Variants in ANGPTL7 observed in about 807,000 individuals in gnomAD.
ANGPTL7 encodes angiopoietin-related protein 7.
In ANGPTL7, 37 loss-of-function variants were observed where a neutral mutation model predicts 38.8. The observed-to-expected ratio is 0.95, with a 90% CI of 0.73 to 1.25. The LOEUF (loss-of-function observed/expected upper bound fraction) is 1.25, where lower values mean the gene tolerates loss of function less well. Among genes scored for constraint, ANGPTL7 ranks in the 50% most tolerant of loss-of-function variants. ANGPTL7 has a pLI of 0.00. For synonymous variants in ANGPTL7, 166 were observed against 163.2 expected (o/e 1.02, Z -0.13); for missense variants, 427 against 438.6 (o/e 0.97, Z 0.24).
intron 2 of ANGPTL7, among the ~76,000 whole-genome samples, chr1:11,192,775 CTCAAACACAA>C (rs1645595798): frequency 6.8e-6 from 1 of 146,528 alleles, no homozygotes; most frequent in Admixed American, 6.8e-5. Context: ...AAAAGGAAAA[CTCAAACACAA>C]GCAAACACAC....
At position 11,193,664 on chromosome 1, in the gene ANGPTL7, T is replaced by G. The variant is rs755991132; in HGVS notation, c.562T>G (p.Trp188Gly). The part of the protein sequence containing the change: ...KSGLVSFYRD[W>G]KQYKQGFGSI... Reference sequence around the variant, plus strand: ...TGGCCTTGTCTCCTTCTACCGGGACTGGAAGCAGTACAAGCAGGGCTTTGG... The same window carrying G: ...TGGCCTTGTCTCCTTCTACCGGGACGGGAAGCAGTACAAGCAGGGCTTTGG... The change falls in exon 3 of 5, where the codon TGG becomes GGG. Residue 188 changes from tryptophan to glycine, a missense_variant. Physicochemically the swap from Trp to Gly is radical, Grantham distance 184. Transcript: ENST00000376819. 4.3e-6 allele frequency: 7 copies of G among 1,614,118 alleles called. No individual in the cohort carries two copies. The highest frequency in any genetic ancestry group is 5.9e-6 in the Non-Finnish European group (7 of 1,179,996).
At chr1:11,191,360 G>A (rs548875173) in intron 1 of ANGPTL7, among the ~76,000 whole-genome samples, 189 of 152,250 alleles carry the variant, frequency 1.2e-3, no homozygotes, top group African/African-American at 1.2e-3. Flanking sequence ...GAAGGCACAC[G>A]TACTCTACCT....
At chr1:11,190,650 A>C (rs1411273950) in intron 1 of ANGPTL7, among the ~76,000 whole-genome samples, 2 of 152,240 alleles carry the variant, frequency 1.3e-5, no homozygotes, top group Non-Finnish European at 2.9e-5. Context: ...AGATAAATTT[A>C]ATCTTTCTTT....
chr1:11,192,153 T>C, intron 1 of ANGPTL7, 117 bp from the exon 2 acceptor site: 1 of 774,148 alleles, frequency 1.3e-6, no homozygotes, highest in Admixed American at 2.1e-5. Context: ...CAGACACTGA[T>C]GGGTAATTAA....
chr1:11,190,209 A>C (rs976118256), intron 1 of ANGPTL7, among the ~76,000 whole-genome samples: 1 of 152,234 alleles, frequency 6.6e-6, no homozygotes, highest in African/African-American at 2.4e-5. Flanking sequence ...TGGTTTGCCC[A>C]AAGTCACCCA....
chr1:11,189,379 T>C lies in ANGPTL7; in HGVS notation c.-201T>C. The C allele has an allele frequency of 1.6e-6, 1 of 642,362 alleles. No individual in the cohort carries two copies. Among genetic ancestry groups the C allele is most frequent in the South Asian group, 2.0e-5 (1 of 50,172 alleles). 39.8% of individuals were successfully genotyped at this position (642,362 alleles called of 1,614,324 possible). ...CGGGCTTGGAAGGAAAGCTATAGGCTACCCATTCAGCTCCCCTGTCAGAGA... is the reference window on the plus strand; with the variant it reads ...CGGGCTTGGAAGGAAAGCTATAGGCCACCCATTCAGCTCCCCTGTCAGAGA... On this transcript the variant is annotated 5_prime_UTR_variant, in exon 1 of 5. Transcript: ENST00000376819.
In ANGPTL7 at chr1:11,194,581, T is replaced by C. The variant is rs971950036; in HGVS notation, c.793T>C (p.Tyr265His). The change falls in exon 4 of 5, where the codon TAT (tyrosine) becomes CAT (histidine). Residue 265 changes from tyrosine (Y) to histidine (H), a missense_variant. By Grantham distance (83) the Tyr-to-His change is moderately conservative. Coordinates refer to ENST00000376819, the MANE Select transcript of ANGPTL7 (RefSeq NM_021146.4). ...CAATGTGGGGAACGACGCCCTCCAGTATCATAACAACACAGCCTTCAGCAC... is the reference window on the plus strand; with the variant it reads ...CAATGTGGGGAACGACGCCCTCCAGCATCATAACAACACAGCCTTCAGCAC... ...TGNVGNDALQ[Y>H]HNNTAFSTKD... 3.7e-6 allele frequency: 6 copies of C among 1,614,036 alleles called. No individual in the cohort carries two copies. Among genetic ancestry groups the C allele is most frequent in the Non-Finnish European group, 5.1e-6 (6 of 1,180,034 alleles).
At chr1:11,192,116 T>A (rs1645561856) in intron 1 of ANGPTL7, among the ~76,000 whole-genome samples, 154 bp from the exon 2 acceptor site, 1 of 152,068 alleles carries the variant, frequency 6.6e-6, no homozygotes, top group Admixed American at 6.6e-5. Flanking sequence ...CCCCTCTGGA[T>A]CTCCCCATAT....
chr1:11,191,082 A>C (rs970145253), intron 1 of ANGPTL7, among the ~76,000 whole-genome samples: 45 of 152,208 alleles, frequency 3.0e-4, no homozygotes, highest in African/African-American at 1.1e-3. Flanking sequence ...GACATGCGGA[A>C]GACCAGGCCA....
chr1:11,192,393 C>A (rs1350025063), intron 2 of ANGPTL7, 23 bp downstream of exon 2: 1 of 1,555,422 alleles, frequency 6.4e-7, no homozygotes. Flanking sequence ...CAGTCACTGG[C>A]CATGCCCTAA....
At position 11,189,741 on chromosome 1, in the gene ANGPTL7, C is replaced by T; in HGVS notation, c.162C>T (p.Ala54=). 6.2e-7 allele frequency: 1 copy of T among 1,614,140 alleles called. No homozygotes were observed. Residue 54 remains alanine (A), a synonymous_variant, in exon 1 of 5, where the codon GCC becomes GCT. Transcript: ENST00000376819. ...GTGAGGAGGTGAAGGAGCTCAAGGCCCAAGTTGCCAACCTTAGCAGCCTGC... is the reference window on the plus strand; with the variant it reads ...GTGAGGAGGTGAAGGAGCTCAAGGCTCAAGTTGCCAACCTTAGCAGCCTGC... ...NCCEEVKELK[A]QVANLSSLLS...
At chr1:11,189,978 G>A (rs1645465666) in intron 1 of ANGPTL7, 23 bp downstream of exon 1, 1 of 1,580,364 alleles carries the variant, frequency 6.3e-7, no homozygotes, top group Non-Finnish European at 8.6e-7. Flanking sequence ...GTCCCCTGAG[G>A]GAGCGTGGAG....
At chr1:11,190,904 G>A (rs28990994) in intron 1 of ANGPTL7, among the ~76,000 whole-genome samples, 284 of 152,262 alleles carry the variant, frequency 1.9e-3, no homozygotes, top group African/African-American at 6.3e-3. Context: ...CTCAAATTAA[G>A]AAAAAGTTTT....
Position 11,195,649 on chromosome 1 carries a change from C to T in ANGPTL7, c.*626C>T, listed in dbSNP as rs1329154775. The T allele has an allele frequency of 6.5e-6, 1 of 153,514 alleles. No individual in the cohort carries two copies. Among genetic ancestry groups the T allele is most frequent in the Non-Finnish European group, 1.5e-5 (1 of 68,744 alleles). The allele number at this position is 153,514 out of a possible 1,614,324, so 9.5% of individuals were successfully genotyped here. A position where few individuals can be genotyped will look rare whatever the true frequency, so the allele number is the denominator to read the frequency against. ...GGCGATCAGACTCTGAGCACTGCCC[C>T]TGCTCGCCTTGGTCATGTACAGCAC... On this transcript the variant is annotated 3_prime_UTR_variant, in exon 5 of 5. Coordinates refer to ENST00000376819, the MANE Select transcript of ANGPTL7 (RefSeq NM_021146.4).
chr1:11,193,726 C>T lies in ANGPTL7; in HGVS notation c.624C>T (p.His208=), dbSNP rs1645654069. ...GGGACTTCTGGCTGGGGAACGAACACATCCACCGGCTCTCCAGACAGCCAA... is the reference window on the plus strand; with the variant it reads ...GGGACTTCTGGCTGGGGAACGAACATATCCACCGGCTCTCCAGACAGCCAA... ...IRGDFWLGNE[H]IHRLSRQPTR... is the part of the protein sequence containing the mutation. The change falls in exon 3 of 5, where the codon CAC becomes CAT. Residue 208 remains histidine, a synonymous_variant. Transcript: ENST00000376819. 1.9e-6 allele frequency: 3 copies of T among 1,614,150 alleles called. No homozygotes were observed. The highest frequency in any genetic ancestry group is 2.7e-5 in the African/African-American group (2 of 75,044).
At chr1:11,192,748 TAAAAAA>T (rs56996673) in intron 2 of ANGPTL7, among the ~76,000 whole-genome samples, 2 of 119,254 alleles carry the variant, frequency 1.7e-5, no homozygotes, top group Non-Finnish European at 3.4e-5. Context: ...CCATTTCAAT[TAAAAAA>T]AAAAAAAAAA....
Position 11,192,294 on chromosome 1 carries a change from T to C in ANGPTL7, c.401T>C (p.Leu134Pro), listed in dbSNP as rs1472194287. Residue 134 changes from leucine (L) to proline (P), a missense_variant, in exon 2 of 5, where the codon CTC becomes CCC. Leu to Pro is a moderately conservative substitution (Grantham distance 98). Coordinates refer to ENST00000376819, the MANE Select transcript of ANGPTL7 (RefSeq NM_021146.4). ...GATGCCATCTACGACTGCTCTTCCCTCTACCAGAAGAACTACCGCATCTCT... is the reference window on the plus strand; with the variant it reads ...GATGCCATCTACGACTGCTCTTCCCCCTACCAGAAGAACTACCGCATCTCT... Reference protein sequence around the residue: ...SADAIYDCSSLYQKNYRISGV... With the variant: ...SADAIYDCSSPYQKNYRISGV... 6.2e-7 allele frequency: 1 copy of C among 1,613,868 alleles called. No individual in the cohort carries two copies. Among genetic ancestry groups the C allele is most frequent in the Non-Finnish European group, 8.5e-7 (1 of 1,179,930 alleles).
Position 11,189,454 on chromosome 1 carries a change from C to T in ANGPTL7, c.-126C>T. 1.7e-6 allele frequency: 2 copies of T among 1,171,136 alleles called. No homozygotes were observed. Among genetic ancestry groups the T allele is most frequent in the Non-Finnish European group, 2.4e-6 (2 of 835,370 alleles). The allele number at this position is 1,171,136 out of a possible 1,614,324, so 72.5% of individuals were successfully genotyped here. A position where few individuals can be genotyped will look rare whatever the true frequency, so the allele number is the denominator to read the frequency against. ...AAGAGCAAGGAAAGAGAGAAAACAA[C>T]AAAGTGGCGAGGCCCTCAGAGTGAA... On this transcript the variant is annotated 5_prime_UTR_variant, in exon 1 of 5. Coordinates refer to ENST00000376819, the MANE Select transcript of ANGPTL7 (RefSeq NM_021146.4).
At position 11,189,511 on chromosome 1, in the gene ANGPTL7, T is replaced by C; in HGVS notation, c.-69T>C. The stretch of plus-strand genomic sequence containing the variant: ...AGGTTCAGTCAGCCTGCTGCAGCTT[T>C]GCAGACCTCAGCTGGGCATCTCCAG... On this transcript the variant is annotated 5_prime_UTR_variant, in exon 1 of 5. Coordinates refer to ENST00000376819, the MANE Select transcript of ANGPTL7 (RefSeq NM_021146.4). 5 of 1,510,052 alleles carry C rather than the reference T, an allele frequency of 3.3e-6. No homozygotes were observed. The highest frequency in any genetic ancestry group is 4.4e-6 in the Non-Finnish European group (5 of 1,130,790). The allele number at this position is 1,510,052 out of a possible 1,614,324, so 93.5% of individuals were successfully genotyped here. A position where few individuals can be genotyped will look rare whatever the true frequency, so the allele number is the denominator to read the frequency against.
Sources: allele counts gnomAD v4.1 joint callset (sites outside exome capture counted in the v4.1 genomes callset), GRCh38; gene constraint gnomAD v4.1.1; transcripts MANE v1.5; gene names NCBI Gene and HGNC (gene_info 2026-07-23, HGNC 2026-07-21).